Variants in LTBP1 observed in about 807,000 individuals in gnomAD.
LTBP1 encodes the protein latent-transforming growth factor beta-binding protein 1.
Under a neutral mutation model 207.6 loss-of-function variants are expected in LTBP1, and 129 were observed. The ratio of observed to expected loss-of-function variants is 0.62; its 90% CI spans 0.54 to 0.72. The LOEUF (loss-of-function observed/expected upper bound fraction) is 0.72. Ranked by LOEUF, LTBP1 falls within the 30% of genes least tolerant of loss-of-function variation. LTBP1 has a pLI of 0.00. For missense variants in LTBP1, 2,281 were observed against 2,217.2 expected (o/e 1.03, Z -0.58); for synonymous variants, 963 against 833.7 (o/e 1.16, Z -2.67).
At chr2:33,148,913 C>A (rs1039809609) in intron 5 of LTBP1, among the ~76,000 whole-genome samples, 1 of 152,126 alleles carries the variant, frequency 6.6e-6, no homozygotes, top group South Asian at 2.1e-4. Context: ...TGTCCTACAA[C>A]GTACAAGAGA....
chr2:33,040,974 C>T (rs1477098438), intron 3 of LTBP1, among the ~76,000 whole-genome samples: 1 of 152,204 alleles, frequency 6.6e-6, no homozygotes, highest in African/African-American at 2.4e-5. Flanking sequence ...TACCAGCTGA[C>T]TGTCAGACTG....
At chr2:33,057,246 T>C (rs1258720646) in intron 3 of LTBP1, among the ~76,000 whole-genome samples, 1 of 152,004 alleles carries the variant, frequency 6.6e-6, no homozygotes, top group Non-Finnish European at 1.5e-5. Context: ...AGGGTGCTAA[T>C]TGGTGTGTTT....
At chr2:33,129,253 A>G (rs1404596938) in intron 4 of LTBP1, among the ~76,000 whole-genome samples, 2 of 152,230 alleles carry the variant, frequency 1.3e-5, no homozygotes, top group African/African-American at 2.4e-5. Context: ...AAGGGGTTCA[A>G]CTGTCCAGGC....
intron 31 of LTBP1, among the ~76,000 whole-genome samples, chr2:33,367,265 A>G (rs1363472925): frequency 6.6e-6 from 1 of 152,038 alleles, no homozygotes; most frequent in Non-Finnish European, 1.5e-5. Flanking sequence ...TCCACGGGTT[A>G]TTTTTCCCAA....
At position 33,079,092 on chromosome 2, in the gene LTBP1, C is replaced by A. The variant is rs1471905659; in HGVS notation, c.864-31490C>A. ...CAATATGGTAATATTTCTTTTTATC[C>A]TGTTAATTTTATTTTCTTTGTATTG... On this transcript the variant is annotated intron_variant, in intron 3 of 33. Transcript: ENST00000404816. 4.8e-4 allele frequency among the ~76,000 whole-genome samples: 73 copies of A among 151,980 alleles called. 1 individual carries two copies. Among genetic ancestry groups the A allele is most frequent in the Admixed American group, 4.8e-3 (73 of 15,258 alleles).
chr2:33,055,607 C>T (rs2076957571), intron 3 of LTBP1, among the ~76,000 whole-genome samples: 1 of 152,188 alleles, frequency 6.6e-6, no homozygotes, highest in South Asian at 2.1e-4. Flanking sequence ...GCAGCTAAAG[C>T]CGCATTCTTT....
chr2:33,237,920 A>C (rs907407525), intron 9 of LTBP1, among the ~76,000 whole-genome samples: 2 of 152,184 alleles, frequency 1.3e-5, no homozygotes, highest in African/African-American at 4.8e-5. Context: ...GAAACATCTG[A>C]AGGCTGAAGA....
At chr2:33,246,323 T>C (rs2092508121) in intron 10 of LTBP1, among the ~76,000 whole-genome samples, 1 of 152,198 alleles carries the variant, frequency 6.6e-6, no homozygotes, top group Non-Finnish European at 1.5e-5. Context: ...TTCAGGTGAA[T>C]TCTGTGAAGA....
At chr2:33,208,820 G>C (rs1158862287) in intron 7 of LTBP1, among the ~76,000 whole-genome samples, 1 of 151,822 alleles carries the variant, frequency 6.6e-6, no homozygotes, top group Non-Finnish European at 1.5e-5. Context: ...GTGGGAGGTG[G>C]GGAGTAAAAC....
At chr2:32,979,591 G>A (rs1282742095) in intron 2 of LTBP1, among the ~76,000 whole-genome samples, 1 of 152,032 alleles carries the variant, frequency 6.6e-6, no homozygotes, top group African/African-American at 2.4e-5. Flanking sequence ...TTGTTTTGTG[G>A]CATAAGATAC....
intron 7 of LTBP1, among the ~76,000 whole-genome samples, chr2:33,204,207 A>T (rs192424898): frequency 6.6e-6 from 1 of 151,672 alleles, no homozygotes; most frequent in Non-Finnish European, 1.5e-5. Flanking sequence ...TCATCCTTCC[A>T]TTTTTTTTCC....
At chr2:33,310,337 A>G (rs1027667256) in intron 23 of LTBP1, among the ~76,000 whole-genome samples, 18 of 152,206 alleles carry the variant, frequency 1.2e-4, no homozygotes, top group African/African-American at 4.3e-4. Context: ...ATGTGCTGTC[A>G]TGTTTAATCT....
At chr2:33,028,604 A>G (rs2075544755) in intron 3 of LTBP1, among the ~76,000 whole-genome samples, 2 of 152,234 alleles carry the variant, frequency 1.3e-5, no homozygotes, top group African/African-American at 4.8e-5. Context: ...AATTAGCAAA[A>G]CTTTACTTAA....
intron 2 of LTBP1, among the ~76,000 whole-genome samples, chr2:32,997,461 A>G (rs1051106869): frequency 2.0e-5 from 3 of 152,200 alleles, no homozygotes; most frequent in African/African-American, 7.2e-5. Context: ...GTGAGCTATG[A>G]TTATGCCGTT....
chr2:33,223,674 A>C (rs991266030), intron 9 of LTBP1, among the ~76,000 whole-genome samples: 3 of 152,216 alleles, frequency 2.0e-5, no homozygotes, highest in Non-Finnish European at 4.4e-5. Flanking sequence ...TGTAGGATGC[A>C]TTAGTAGAAA....
At chr2:33,338,403 C>G (rs1441526318) in intron 24 of LTBP1, among the ~76,000 whole-genome samples, 1 of 152,168 alleles carries the variant, frequency 6.6e-6, no homozygotes, top group Non-Finnish European at 1.5e-5. Context: ...CAAGGATGTT[C>G]CTTCAGGAAT....
At chr2:33,169,330 T>A (rs1053924820) in intron 5 of LTBP1, among the ~76,000 whole-genome samples, 3 of 152,180 alleles carry the variant, frequency 2.0e-5, no homozygotes, top group African/African-American at 7.2e-5. Context: ...TCCAGCACAT[T>A]ATGTCTCTCT....
rs142265482 is a variant in LTBP1 at position 33,187,518 on chromosome 2, G to A, written c.1426+438G>A. Among the ~76,000 whole-genome samples the A allele has an allele frequency of 2.1e-4, 32 of 151,936 alleles. 2 individuals are homozygous for A. Among genetic ancestry groups the A allele is most frequent in the African/African-American group, 6.8e-4 (28 of 41,230 alleles). ...TGTAAACAATCATTTAACCTCACTG[G>A]ACTTCAATTTGTTCGTCTGTAGAGG... On this transcript the variant is annotated intron_variant, in intron 6 of 33. Coordinates refer to ENST00000404816, the MANE Select transcript of LTBP1 (RefSeq NM_206943.4).
At chr2:33,353,475 C>G (rs768651155) in intron 26 of LTBP1, among the ~76,000 whole-genome samples, 73 of 152,320 alleles carry the variant, frequency 4.8e-4, no homozygotes, top group Non-Finnish European at 3.4e-4. Context: ...CAGCTCACTG[C>G]TGAGCACGGC....
Sources: gnomAD v4.1 joint callset for allele counts (sites outside exome capture counted in the v4.1 genomes callset) on GRCh38, gnomAD v4.1.1 for gene constraint, MANE v1.5 for transcripts, NCBI Gene and HGNC (gene_info 2026-07-23, HGNC 2026-07-21) for gene names.